Variants in PTCH1 observed in about 807,000 individuals in gnomAD.
PTCH1 encodes the protein patched 1.
Under a neutral mutation model 144.6 loss-of-function variants are expected in PTCH1, and 14 were observed. The observed-to-expected ratio is 0.10, with a 90% CI of 0.06 to 0.15. The LOEUF is 0.15. Ranked by LOEUF, PTCH1 falls within the 10% of genes least tolerant of loss-of-function variation. The probability of loss-of-function intolerance (pLI) is 1.00; values close to 1 mark genes in which losing one functional copy is unlikely to be tolerated. For missense variants in PTCH1, 1,623 were observed against 1,948.3 expected, an observed-to-expected ratio of 0.83 and a Z score of 3.14; for synonymous variants, 833 against 793.6, an observed-to-expected ratio of 1.05 and a Z score of -0.83.
At position 95,476,661 on chromosome 9, in the gene PTCH1, C is replaced by CT. The variant is rs1239198122; in HGVS notation, c.1602+97dup. 5.8e-6 allele frequency: 7 copies of CT among 1,211,292 alleles called. No homozygotes were observed. The African/African-American group carries it at 9.1e-5, about 16-fold the overall frequency. 75.0% of individuals were successfully genotyped at this position (1,211,292 alleles called of 1,614,324 possible). ...ACATCATCTGACATGGGACTGAAAT[C>CT]TTTACTGGGTCAGACTGAGGAAAAT... is the stretch of plus-strand genomic sequence containing the variant. On this transcript the variant is annotated intron_variant, in intron 11 of 23. Coordinates refer to ENST00000331920, the MANE Select transcript of PTCH1 (RefSeq NM_000264.5). The surrounding 1 kb of genome is among the most constrained non-coding windows in gnomAD (Gnocchi z 4.6).
At chr9:95,506,199 G>C (rs558621764) in intron 2 of PTCH1, 41 of 431,080 alleles carry the variant, frequency 9.5e-5, no homozygotes, top group Middle Eastern at 7.0e-4. Flanking sequence ...CACCTCGGCC[G>C]GCGCAGCGCC....
chr9:95,492,009 C>T (rs1057364734), intron 2 of PTCH1, among the ~76,000 whole-genome samples: 1 of 152,214 alleles, frequency 6.6e-6, no homozygotes, highest in Admixed American at 6.5e-5. Flanking sequence ...AGAGAGACGT[C>T]TTAAGACAGA....
At position 95,508,271 on chromosome 9, in the gene PTCH1, C is replaced by T. The variant is rs768512190; in HGVS notation, c.91G>A (p.Gly31Arg). ...AGCCCCCCCGTCCGTCTGCGCCTCC[C>T]GCCTCCAGCCGGCCGTCCCGGGGCA... Reference protein sequence around the residue: ...IGAPGRPAGGGRRRRTGGLRR... With the variant: ...IGAPGRPAGGRRRRRTGGLRR... Residue 31 changes from glycine (G) to arginine (R), a missense_variant, in exon 1 of 24, where the codon GGG (glycine) becomes AGG (arginine). Physicochemically the swap from Gly to Arg is moderately radical, Grantham distance 125. Coordinates refer to ENST00000331920, the MANE Select transcript of PTCH1 (RefSeq NM_000264.5). 9.6e-5 allele frequency: 151 copies of T among 1,570,194 alleles called. No homozygotes were observed. Among genetic ancestry groups the T allele is most frequent in the Non-Finnish European group, 1.2e-4 (136 of 1,161,452 alleles).
intron 23 of PTCH1, 112 bp from the exon 24 acceptor site, chr9:95,446,503 G>T (rs1837903907): frequency 2.1e-6 from 1 of 477,932 alleles, no homozygotes; most frequent in Non-Finnish European, 4.1e-6. Context: ...TCACGAGAGT[G>T]GGGTGTGGGC....
At position 95,476,736 on chromosome 9, in the gene PTCH1, CTCT is replaced by C. The variant is rs1421642029; in HGVS notation, c.1602+20_1602+22del. ...AGGAAGCTGTGATGTCCCCAAAGCTCTCTTCTTTTGTTTTTGCATTACCTCAAA... is the reference window on the plus strand; with the variant it reads ...AGGAAGCTGTGATGTCCCCAAAGCTCTCTTTTGTTTTTGCATTACCTCAAA... On this transcript the variant is annotated intron_variant, in intron 11 of 23. Coordinates refer to ENST00000331920, the MANE Select transcript of PTCH1 (RefSeq NM_000264.5). This position sits in a 1 kb window ranked among gnomAD's most constrained non-coding sequence, Gnocchi z 4.6. The C allele has an allele frequency of 1.4e-5, 23 of 1,602,388 alleles. No homozygotes were observed. The highest frequency in any genetic ancestry group is 2.0e-5 in the Non-Finnish European group (23 of 1,170,762).
intron 19 of PTCH1, among the ~76,000 whole-genome samples, chr9:95,455,635 G>T (rs922108676): frequency 6.6e-6 from 1 of 152,282 alleles, no homozygotes; most frequent in African/African-American, 2.4e-5. Context: ...GCAAGATAGA[G>T]AAAAAGAGAG....
rs536069188 is a variant in PTCH1, at chr9:95,484,981, G to A, written c.584+704C>T. Among the ~76,000 whole-genome samples, 41 of 152,198 alleles carry A rather than the reference G, an allele frequency of 2.7e-4. 1 individual carries two copies. Among genetic ancestry groups the A allele is most frequent in the Admixed American group, 4.6e-4 (7 of 15,288 alleles). On this transcript the variant is annotated intron_variant, in intron 3 of 23. Transcript: ENST00000331920. ...AGCACTTTGGGAGGCTGAGGCAGGC[G>A]GATCACTTGAGGTCAGGAGTTCGAG...
Position 95,447,233 on chromosome 9 carries a change from AGGGCCCCAGCGG to A in PTCH1, c.4011_4022del (p.Trp1339_Arg1342del). 1 of 1,611,522 alleles carries A rather than the reference AGGGCCCCAGCGG, an allele frequency of 6.2e-7. No individual in the cohort carries two copies. Among genetic ancestry groups the A allele is most frequent in the Non-Finnish European group, 8.5e-7 (1 of 1,178,590 alleles). ...GAGGGTTGTGAGAACGGGCCCCGCG[AGGGCCCCAGCGG>A]GCCCTATTGCTAGGGCCAGAATGCC... On this transcript the variant is annotated inframe_deletion, in exon 23 of 24. Transcript: ENST00000331920.
chr9:95,487,832 T>A (rs1394562321), intron 2 of PTCH1, among the ~76,000 whole-genome samples: 1 of 152,164 alleles, frequency 6.6e-6, no homozygotes. Context: ...ACATATCAGG[T>A]GACTTAAACC....
intron 19 of PTCH1, among the ~76,000 whole-genome samples, chr9:95,454,283 C>T (rs1234274651): frequency 6.6e-6 from 1 of 152,182 alleles, no homozygotes; most frequent in Admixed American, 6.5e-5. Context: ...GAAGATCAGA[C>T]TGTTGGCCTG....
rs746805188 is a variant in PTCH1 at position 95,477,685 on chromosome 9, T to C, written c.1365A>G (p.Leu455=). 5.6e-6 allele frequency: 9 copies of C among 1,614,140 alleles called. No homozygotes were observed. The highest frequency in any genetic ancestry group is 7.6e-6 in the Non-Finnish European group (9 of 1,180,022). The change falls in exon 10 of 24, where the codon CTA becomes CTG. Residue 455 remains leucine, a synonymous_variant. Transcript: ENST00000331920. ...GYLLMLAYAC[L]TMLRWDCSKS... Reference sequence around the variant, plus strand: ...TGGAGCAGTCCCAGCGCAGCATGGTTAGACAGGCATAGGCGAGCTGCAAGC... The same window carrying C: ...TGGAGCAGTCCCAGCGCAGCATGGTCAGACAGGCATAGGCGAGCTGCAAGC...
Position 95,446,223 on chromosome 9 carries a change from T to C in PTCH1, c.*170A>G. ...CATGTGTACATCTCTTAAATATTTA[T>C]AGAAATATTTAACAAAATAATACAA... On this transcript the variant is annotated 3_prime_UTR_variant, in exon 24 of 24. Transcript: ENST00000331920. The C allele has an allele frequency of 2.6e-6, 1 of 388,746 alleles. No individual in the cohort carries two copies. The highest frequency in any genetic ancestry group is 5.0e-6 in the Non-Finnish European group (1 of 198,428). 24.1% of individuals were successfully genotyped at this position (388,746 alleles called of 1,614,324 possible).
intron 2 of PTCH1, among the ~76,000 whole-genome samples, chr9:95,494,579 G>A (rs902879992): frequency 1.3e-5 from 2 of 152,152 alleles, no homozygotes; most frequent in African/African-American, 4.8e-5. Flanking sequence ...CAACCAGGCC[G>A]CTCAAGCGCA....
rs1837650536 is a variant in PTCH1 at position 95,443,682 on chromosome 9, G to C, written c.*2711C>G. The stretch of plus-strand genomic sequence containing the variant: ...TCTCAGCAAAGTTCCAGACATTATG[G>C]ATTCATCACATATAAATTCTTTAAA... On this transcript the variant is annotated 3_prime_UTR_variant, in exon 24 of 24. Transcript: ENST00000331920. The C allele has an allele frequency of 6.6e-6, 1 of 152,478 alleles. No individual in the cohort carries two copies. Among genetic ancestry groups the C allele is most frequent in the African/African-American group, 2.4e-5 (1 of 41,412 alleles). 9.4% of individuals were successfully genotyped at this position (152,478 alleles called of 1,614,324 possible).
chr9:95,448,379 TC>T (rs919336239), intron 22 of PTCH1, among the ~76,000 whole-genome samples: 1 of 152,108 alleles, frequency 6.6e-6, no homozygotes, highest in Non-Finnish European at 1.5e-5. Context: ...CCCAGAACCT[TC>T]CTTGAGTTTT....
At chr9:95,492,821 A>AG (rs61420024) in intron 2 of PTCH1, among the ~76,000 whole-genome samples, 65,206 of 151,520 alleles carry the variant, frequency 0.43, 15,629 homozygotes, top group African/African-American at 0.65. Context: ...GAGGAGATGC[A>AG]TTTTTTTCAG....
chr9:95,507,239 G>A, intron 1 of PTCH1: 2 of 985,566 alleles, frequency 2.0e-6, no homozygotes, highest in South Asian at 4.7e-5. Context: ...GACAATATTT[G>A]TGATCGGAAG....
chr9:95,470,199 T>C (rs1411139230), intron 12 of PTCH1, among the ~76,000 whole-genome samples: 1 of 152,184 alleles, frequency 6.6e-6, no homozygotes, highest in African/African-American at 2.4e-5. Flanking sequence ...TACTAACGTG[T>C]TGCTAGTAAC....
In PTCH1 at chr9:95,507,175, G is replaced by C. The variant is rs1380562819; in HGVS notation, c.202-576C>G. 3 of 985,366 alleles carry C rather than the reference G, an allele frequency of 3.0e-6. No homozygotes were observed. In the African/African-American group the frequency reaches 5.2e-5, roughly 17 times the overall value. 61.0% of individuals were successfully genotyped at this position (985,366 alleles called of 1,614,324 possible). A position where few individuals can be genotyped will look rare whatever the true frequency, so the allele number is the denominator to read the frequency against. On this transcript the variant is annotated intron_variant, in intron 1 of 23. Coordinates refer to ENST00000331920, the MANE Select transcript of PTCH1 (RefSeq NM_000264.5). ...CACTCCCGACGCATTTCCATAGCGTGGGGAGAGGCTGTGTGAGCTGAATTA... is the reference window on the plus strand; with the variant it reads ...CACTCCCGACGCATTTCCATAGCGTCGGGAGAGGCTGTGTGAGCTGAATTA...
Sources: allele counts gnomAD v4.1 joint callset (sites outside exome capture counted in the v4.1 genomes callset), GRCh38; gene constraint gnomAD v4.1.1; non-coding constraint Gnocchi (gnomAD v3.1); transcripts MANE v1.5; gene names NCBI Gene and HGNC (gene_info 2026-07-23, HGNC 2026-07-21).